Variants in ROR1 observed in about 807,000 individuals in gnomAD.
ROR1 encodes the protein ROR family WNT receptor 1, also known as inactive tyrosine-protein kinase transmembrane receptor ROR1.
Under a neutral mutation model 78.8 loss-of-function variants are expected in ROR1, and 19 were observed. The observed-to-expected ratio is 0.24, with a 90% confidence interval of 0.17 to 0.35. The LOEUF is 0.35. Ranked by LOEUF, ROR1 falls within the 10% of genes least tolerant of loss-of-function variation. ROR1 has a pLI of 1.00. For synonymous variants in ROR1, 386 were observed against 433.6 expected, an observed-to-expected ratio of 0.89 and a Z score of 1.36; for missense variants, 917 against 1,177.8, an observed-to-expected ratio of 0.78 and a Z score of 3.24.
chr1:63,940,498 C>CAGACAGACAGACAGACAGATAGAT (rs1230477303), intron 1 of ROR1, among the ~76,000 whole-genome samples: 17 of 75,138 alleles, frequency 2.3e-4, no homozygotes, highest in African/African-American at 5.3e-4. Context: ...GATAGACAGA[C>CAGACAGACAGACAGACAGATAGAT]AGATAGATAG....
intron 8 of ROR1, among the ~76,000 whole-genome samples, chr1:64,172,097 C>A (rs1306347559): frequency 1.3e-5 from 2 of 152,188 alleles, no homozygotes; most frequent in Admixed American, 1.3e-4. Context: ...AAACGCTACT[C>A]ATAGTTCATT....
rs1647061573 is a variant in ROR1 at position 64,077,588 on chromosome 1, A to G, written c.482+26872A>G. Among the ~76,000 whole-genome samples the G allele has an allele frequency of 2.0e-5, 3 of 152,222 alleles. 1 individual carries two copies. The highest frequency in any genetic ancestry group is 2.0e-4 in the Admixed American group (3 of 15,284). ...GCGTCTGGCCCACAGCTGAACTCAA[A>G]GAGGCTGGCTGCTCGGGGCAACCCT... is the stretch of plus-strand genomic sequence containing the variant. On this transcript the variant is annotated intron_variant, in intron 4 of 8. Coordinates refer to ENST00000371079, the MANE Select transcript of ROR1 (RefSeq NM_005012.4).
intron 1 of ROR1, among the ~76,000 whole-genome samples, chr1:63,786,256 ATTTTTTTT>A (rs34933492): frequency 9.2e-4 from 62 of 67,508 alleles, no homozygotes; most frequent in African/African-American, 2.6e-3. Context: ...CTACAACTTG[ATTTTTTTT>A]TTTTTTTTTT....
chr1:63,869,616 A>G (rs1013899272), intron 1 of ROR1, among the ~76,000 whole-genome samples: 2 of 152,202 alleles, frequency 1.3e-5, no homozygotes, highest in African/African-American at 4.8e-5. Context: ...TTTCCCCAGT[A>G]CAGAACTTAG....
rs1644846682 is a variant in ROR1 at position 63,809,246 on chromosome 1, ATGATCTCTC to A, written c.91+34741_91+34749del. On this transcript the variant is annotated intron_variant, in intron 1 of 8. Transcript: ENST00000371079. ...TGCTAGGTACCAGGGAATCCCATAA[ATGATCTCTC>A]TGCCATCAAGAGGGAGATGAAGAGA... Among the ~76,000 whole-genome samples the A allele has an allele frequency of 7.9e-5, 12 of 152,292 alleles. No individual in the cohort carries two copies. In the South Asian group the frequency reaches 2.5e-3, roughly 32 times the overall value.
At chr1:64,015,058 G>A (rs1646509877) in intron 2 of ROR1, among the ~76,000 whole-genome samples, 1 of 151,988 alleles carries the variant, frequency 6.6e-6, no homozygotes. Flanking sequence ...AGAAGGCAAG[G>A]AGGAACAAGT....
Position 64,142,535 on chromosome 1 carries a change from A to G in ROR1, c.1059A>G (p.Pro353=). Residue 353 remains proline, a synonymous_variant, in exon 7 of 9, where the codon CCA becomes CCG. Coordinates refer to ENST00000371079, the MANE Select transcript of ROR1 (RefSeq NM_005012.4). Reference sequence around the variant, plus strand: ...ACACTTTCACCGCCCTTCGTTTCCCAGAGCTGAATGGAGGCCATTCCTACT... The same window carrying G: ...ACACTTTCACCGCCCTTCGTTTCCCGGAGCTGAATGGAGGCCATTCCTACT... ...HTHTFTALRF[P]ELNGGHSYCR... 1.9e-6 allele frequency: 3 copies of G among 1,614,160 alleles called. No homozygotes were observed. Among genetic ancestry groups the G allele is most frequent in the Non-Finnish European group, 1.7e-6 (2 of 1,180,032 alleles).
chr1:64,121,589 G>C (rs1315747183), intron 4 of ROR1, among the ~76,000 whole-genome samples: 1 of 152,182 alleles, frequency 6.6e-6, no homozygotes. Context: ...TGGCGGGGAA[G>C]AGTATTTTAA....
At chr1:63,942,544 T>C (rs1196681936) in intron 1 of ROR1, among the ~76,000 whole-genome samples, 1 of 152,180 alleles carries the variant, frequency 6.6e-6, no homozygotes, top group Non-Finnish European at 1.5e-5. Flanking sequence ...TTGCTCTGTA[T>C]GATGCATGGC....
At chr1:63,999,589 T>C (rs932631255) in intron 1 of ROR1, among the ~76,000 whole-genome samples, 5 of 152,098 alleles carry the variant, frequency 3.3e-5, no homozygotes, top group African/African-American at 1.2e-4. Flanking sequence ...ATGAGCTCCA[T>C]GAAGTAAAGA....
intron 2 of ROR1, among the ~76,000 whole-genome samples, chr1:64,040,093 G>T (rs971005781): frequency 3.9e-4 from 59 of 152,172 alleles, no homozygotes; most frequent in African/African-American, 1.4e-3. Flanking sequence ...TTGGAATGTA[G>T]ATGTACCCTA....
At chr1:63,955,180 G>A (rs1335521453) in intron 1 of ROR1, among the ~76,000 whole-genome samples, 2 of 152,186 alleles carry the variant, frequency 1.3e-5, no homozygotes, top group Non-Finnish European at 2.9e-5. Context: ...CCAAGGGCCA[G>A]CCAGGTTACG....
intron 1 of ROR1, among the ~76,000 whole-genome samples, chr1:63,957,536 C>T (rs569682940): frequency 6.6e-6 from 1 of 152,214 alleles, no homozygotes; most frequent in African/African-American, 2.4e-5. Flanking sequence ...CTCATTGTCC[C>T]ACCTTCCCTG....
chr1:64,161,010 T>G (rs1326079281), intron 8 of ROR1, among the ~76,000 whole-genome samples: 1 of 152,224 alleles, frequency 6.6e-6, no homozygotes, highest in Non-Finnish European at 1.5e-5. Context: ...AATTACATTT[T>G]TAGTGGAGGT....
Position 64,136,023 on chromosome 1 carries a change from G to T in ROR1, c.483-1346G>T, listed in dbSNP as rs186882998. ...GGAAGTGAGCACCACAGCACTAACC[G>T]CAGTGCCTCTTACGATGTGGGAGCT... On this transcript the variant is annotated intron_variant, in intron 4 of 8. Coordinates refer to ENST00000371079, the MANE Select transcript of ROR1 (RefSeq NM_005012.4). Among the ~76,000 whole-genome samples the T allele has an allele frequency of 2.0e-4, 30 of 152,240 alleles. No homozygotes were observed. The South Asian group carries it at 5.8e-3, about 29-fold the overall frequency.
At position 64,150,691 on chromosome 1, in the gene ROR1, A is replaced by G. The variant is rs186296499; in HGVS notation, c.1174+8041A>G. ...TTTATATAGTTTGAAGCTTTCTGGA[A>G]GAGTTATTTTTATACTGCAGAGATT... On this transcript the variant is annotated intron_variant, in intron 7 of 8. Coordinates refer to ENST00000371079, the MANE Select transcript of ROR1 (RefSeq NM_005012.4). 6.2e-4 allele frequency among the ~76,000 whole-genome samples: 95 copies of G among 152,356 alleles called. 1 individual carries two copies. In the Middle Eastern group the frequency reaches 0.017, roughly 27 times the overall value.
intron 4 of ROR1, among the ~76,000 whole-genome samples, chr1:64,136,900 C>G (rs775185753): frequency 1.3e-5 from 2 of 152,092 alleles, no homozygotes; most frequent in Non-Finnish European, 2.9e-5. Flanking sequence ...CCTCGGGTTT[C>G]TTTCCAGCTG....
chr1:64,051,033 G>C (rs1401535374), intron 4 of ROR1, among the ~76,000 whole-genome samples: 2 of 152,104 alleles, frequency 1.3e-5, no homozygotes, highest in African/African-American at 4.8e-5. Context: ...AAATGATATA[G>C]TGCTGGCATA....
chr1:64,005,835 T>C (rs137905594), intron 1 of ROR1, among the ~76,000 whole-genome samples: 2 of 152,284 alleles, frequency 1.3e-5, no homozygotes, highest in African/African-American at 4.8e-5. Context: ...TTTTAAAATA[T>C]TTTATCTGTT....
Sources: allele counts gnomAD v4.1 joint callset (sites outside exome capture counted in the v4.1 genomes callset), GRCh38; gene constraint gnomAD v4.1.1; transcripts MANE v1.5; gene names NCBI Gene and HGNC (gene_info 2026-07-23, HGNC 2026-07-21).